Variants in PIN4 observed in about 807,000 individuals in gnomAD.
PIN4 encodes the protein peptidylprolyl cis/trans isomerase, NIMA-interacting 4.
A neutral mutation model predicts 8.3 loss-of-function variants in PIN4; 3 were observed. The observed-to-expected ratio is 0.36, with a 90% CI of 0.16 to 0.93. The LOEUF is 0.93. PIN4 is among the 40% of genes least tolerant of loss of function. The pLI is 0.44. For missense variants in PIN4, 75 were observed against 100.6 expected, an observed-to-expected ratio of 0.75 and a Z score of 1.09; for synonymous variants, 18 against 32.5, an observed-to-expected ratio of 0.55 and a Z score of 1.52.
At chrX:72,224,975 C>T (rs2042946278) in intron 3 of PIN4, among the ~76,000 whole-genome samples, 1 of 110,973 alleles carries the variant, frequency 9.0e-6, no homozygotes, top group South Asian at 3.8e-4. Context: ...AATCCCCACC[C>T]ATTCTCCCCA....
intron 3 of PIN4, among the ~76,000 whole-genome samples, chrX:72,213,443 C>T (rs1427540928): frequency 2.7e-5 from 3 of 111,491 alleles, no homozygotes. Context: ...GGGTCCCTCC[C>T]ATTGTATGGG....
rs988282416 is a variant in PIN4 at position 72,198,005 on chromosome X, A to G, written c.*479A>G. 1.3e-6 allele frequency: 1 copy of G among 747,615 alleles called. No homozygotes were observed. Among genetic ancestry groups the G allele is most frequent in the Non-Finnish European group, 1.6e-6 (1 of 632,675 alleles). The allele number at this position is 747,615 out of a possible 1,213,427, so 61.6% of individuals were successfully genotyped here. ...TTCCAGGACAGGTGGTATTAGCTCC[A>G]CTGTCTTAACATAGTACGTGGCACG... is the stretch of plus-strand genomic sequence containing the variant. On this transcript the variant is annotated 3_prime_UTR_variant, in exon 4 of 4. Transcript: ENST00000373669.
intron 3 of PIN4, among the ~76,000 whole-genome samples, chrX:72,244,981 G>A (rs1478328595): frequency 1.0e-5 from 1 of 99,370 alleles, no homozygotes; most frequent in Non-Finnish European, 2.0e-5. Context: ...GCTGAGATGG[G>A]AGAATCTTTT....
chrX:72,219,830 A>G (rs1038599056), intron 3 of PIN4, among the ~76,000 whole-genome samples: 2 of 102,327 alleles, frequency 2.0e-5, no homozygotes, highest in Non-Finnish European at 4.0e-5. Context: ...GCCTGGCGAC[A>G]CAGTGAGACT....
In PIN4 at chrX:72,198,084, A is replaced by G. The variant is rs2042775887; in HGVS notation, c.*558A>G. On this transcript the variant is annotated 3_prime_UTR_variant, in exon 4 of 4. Coordinates refer to ENST00000373669, the MANE Select transcript of PIN4 (RefSeq NM_006223.4). The stretch of plus-strand genomic sequence containing the variant: ...TTTTAAATAAATGTTTATTGGAGGA[A>G]AAAAGCACTCAGTTGTTCCATGAGT... 3 of 752,781 alleles carry G rather than the reference A, an allele frequency of 4.0e-6. No individual in the cohort carries two copies. Among genetic ancestry groups the G allele is most frequent in the South Asian group, 6.7e-5 (1 of 14,848 alleles). The allele number at this position is 752,781 out of a possible 1,213,427, so 62.0% of individuals were successfully genotyped here. A position where few individuals can be genotyped will look rare whatever the true frequency, so the allele number is the denominator to read the frequency against.
rs747265637 is a variant in PIN4 at position 72,204,233 on chromosome X, CATACACACATTAT to C, written c.312+7335_312+7347del. Among the ~76,000 whole-genome samples the C allele has an allele frequency of 4.3e-3, 479 of 112,622 alleles. 2 individuals are homozygous for C. The highest frequency in any genetic ancestry group is 0.014 in the African/African-American group (441 of 31,040). ...CTAAACATGAAATCCATTTATGTTTCATACACACATTATATACATAGTCTGAAGGTAATTTTAT... is the reference window on the plus strand; with the variant it reads ...CTAAACATGAAATCCATTTATGTTTCATACATAGTCTGAAGGTAATTTTAT... On this transcript the variant is annotated intron_variant, in intron 3 of 3. Transcript: ENST00000423432.
At chrX:72,188,266 G>A (rs2042713535) in intron 2 of PIN4, among the ~76,000 whole-genome samples, 2 of 112,635 alleles carry the variant, frequency 1.8e-5, no homozygotes, top group Non-Finnish European at 3.7e-5. Flanking sequence ...ATATTCTAGG[G>A]TAATTTTGGC....
Position 72,198,231 on chromosome X carries a change from T to G in PIN4, c.*705T>G, listed in dbSNP as rs2042776538. ...TGTCCTTTCCAGGGCCAATGTTCTG[T>G]GCATCTAAATTTTTAAAATTTAAAA... On this transcript the variant is annotated 3_prime_UTR_variant, in exon 4 of 4. Coordinates refer to ENST00000373669, the MANE Select transcript of PIN4 (RefSeq NM_006223.4). 1.3e-6 allele frequency: 1 copy of G among 743,824 alleles called. No individual in the cohort carries two copies. The highest frequency in any genetic ancestry group is 2.3e-5 in the African/African-American group (1 of 43,195). 61.3% of individuals were successfully genotyped at this position (743,824 alleles called of 1,213,427 possible).
intron 1 of PIN4, 21 bp from the exon 2 acceptor site, chrX:72,186,440 C>T (rs997162483): frequency 9.1e-7 from 1 of 1,099,471 alleles, no homozygotes; most frequent in Admixed American, 2.2e-5. Context: ...TAAATGAGTA[C>T]CTGTCATCTC....
chrX:72,248,291 GAAAAAAAAAAAAAAAAAAAAA>G lies in PIN4; in HGVS notation c.313-14391_313-14371del, dbSNP rs55908553. Among the ~76,000 whole-genome samples, 427 of 54,883 alleles carry G rather than the reference GAAAAAAAAAAAAAAAAAAAAA, an allele frequency of 7.8e-3. 3 individuals carry two copies. The highest frequency in any genetic ancestry group is 0.018 in the African/African-American group (357 of 19,544). The allele number at this position is 54,883 out of a possible 115,157, so 47.7% of individuals were successfully genotyped here. A position where few individuals can be genotyped will look rare whatever the true frequency, so the allele number is the denominator to read the frequency against. ...CCTAGGACATAGCTTGCTCCATCCA[GAAAAAAAAAAAAAAAAAAAAA>G]AAAAAAAAAAAAAAAAAAAAAAAAT... On this transcript the variant is annotated intron_variant, in intron 3 of 3. Coordinates refer to the PIN4 transcript ENST00000423432.
In PIN4 at chrX:72,244,852, G is replaced by T. The variant is rs188492437; in HGVS notation, c.313-17855G>T. Among the ~76,000 whole-genome samples the T allele has an allele frequency of 4.3e-4, 47 of 108,594 alleles. 1 individual carries two copies. The East Asian group carries it at 0.014, about 31-fold the overall frequency. The allele number at this position is 108,594 out of a possible 115,157, so 94.3% of individuals were successfully genotyped here. ...TGCCAGCACTTTGGGAGGCCGAGGT[G>T]GGAGGATCACTTGAGCCCAGGAGTT... On this transcript the variant is annotated intron_variant, in intron 3 of 3. Coordinates refer to the PIN4 transcript ENST00000423432.
chrX:72,254,262 G>A (rs1447549378), intron 3 of PIN4, among the ~76,000 whole-genome samples: 1 of 111,388 alleles, frequency 9.0e-6, no homozygotes, highest in Non-Finnish European at 1.9e-5. Flanking sequence ...TGTCCCCTTG[G>A]CCAGTAACAC....
At chrX:72,207,120 A>G in intron 3 of PIN4, 2 of 1,211,485 alleles carry the variant, frequency 1.7e-6, no homozygotes, top group Non-Finnish European at 2.2e-6. Context: ...TGACCACTCT[A>G]GTTGCTGCAG....
At chrX:72,204,916 A>G (rs1259490156) in intron 3 of PIN4, 7 of 789,423 alleles carry the variant, frequency 8.9e-6, no homozygotes, top group Non-Finnish European at 3.5e-6. Context: ...TTCTTGCCTT[A>G]AGCCTGAATG....
chrX:72,232,416 CAA>C (rs11302655), intron 3 of PIN4, among the ~76,000 whole-genome samples: 749 of 35,063 alleles, frequency 0.021, 14 homozygotes, highest in African/African-American at 0.077. Flanking sequence ...AGACCTGCCT[CAA>C]AAAAAAAAAA....
At position 72,250,676 on chromosome X, in the gene PIN4, C is replaced by T. The variant is rs1259175964; in HGVS notation, c.313-12031C>T. ...CCACACTGGGCAACATAATGAGACC[C>T]GTCTCTACGAAAAATAAAAATAAAT... On this transcript the variant is annotated intron_variant, in intron 3 of 3. Coordinates refer to the PIN4 transcript ENST00000423432. Among the ~76,000 whole-genome samples, 9 of 108,377 alleles carry T rather than the reference C, an allele frequency of 8.3e-5. No individual in the cohort carries two copies. The South Asian group carries it at 1.6e-3, about 20-fold the overall frequency. 94.1% of individuals were successfully genotyped at this position (108,377 alleles called of 115,157 possible).
chrX:72,198,314 C>A lies in PIN4; in HGVS notation c.*788C>A. On this transcript the variant is annotated 3_prime_UTR_variant, in exon 4 of 4. Coordinates refer to ENST00000373669, the MANE Select transcript of PIN4 (RefSeq NM_006223.4). ...GATTACTAATATAAATACTATACTGCTTCAAAAATAAAACTTTGCCAACAC... is the reference window on the plus strand; with the variant it reads ...GATTACTAATATAAATACTATACTGATTCAAAAATAAAACTTTGCCAACAC... The A allele has an allele frequency of 1.4e-6, 1 of 724,026 alleles. No individual in the cohort carries two copies. Among genetic ancestry groups the A allele is most frequent in the Non-Finnish European group, 1.6e-6 (1 of 611,506 alleles). 59.7% of individuals were successfully genotyped at this position (724,026 alleles called of 1,213,427 possible). A position where few individuals can be genotyped will look rare whatever the true frequency, so the allele number is the denominator to read the frequency against.
intron 3 of PIN4, among the ~76,000 whole-genome samples, chrX:72,252,501 A>G (rs1405523346): frequency 9.0e-6 from 1 of 110,716 alleles, no homozygotes; most frequent in Non-Finnish European, 1.9e-5. Flanking sequence ...CTCCTGCCTC[A>G]GCCTCAGCCT....
intron 3 of PIN4, chrX:72,208,161 G>A (rs751239411): frequency 2.2e-5 from 27 of 1,210,039 alleles, no homozygotes; most frequent in Non-Finnish European, 3.0e-5. Context: ...TTAACATTTG[G>A]TATGTAGTGA....
Sources: gnomAD v4.1 joint callset for allele counts (sites outside exome capture counted in the v4.1 genomes callset) on GRCh38, gnomAD v4.1.1 for gene constraint, MANE v1.5 for transcripts, NCBI Gene and HGNC (gene_info 2026-07-23, HGNC 2026-07-21) for gene names.